The following CPVL variants were observed in gnomAD, a reference collection of about 807,000 sequenced individuals.
CPVL encodes carboxypeptidase vitellogenic like.
A neutral mutation model predicts 63.7 loss-of-function variants in CPVL; 51 were observed. That is an observed-to-expected ratio of 0.80 (90% CI 0.64 to 1.01). The LOEUF is 1.01. CPVL is among the 50% of genes least tolerant of loss of function. The pLI is 0.00. For synonymous variants in CPVL, 195 were observed against 206.0 expected, an observed-to-expected ratio of 0.95 and a Z score of 0.46; for missense variants, 530 against 573.1, an observed-to-expected ratio of 0.92 and a Z score of 0.77.
At chr7:29,112,604 G>T in intron 3 of CPVL, 100 bp downstream of exon 3, 2 of 727,778 alleles carry the variant, frequency 2.7e-6, no homozygotes, top group Non-Finnish European at 4.6e-6. Context: ...AAATCTATGA[G>T]ATTTTTTTTT....
At chr7:29,084,940 C>T (rs1334332275) in intron 7 of CPVL, among the ~76,000 whole-genome samples, 1 of 152,134 alleles carries the variant, frequency 6.6e-6, no homozygotes, top group African/African-American at 2.4e-5. Flanking sequence ...AGAGGAAACA[C>T]ACTGATGCCA....
At chr7:29,184,816 C>T (rs1798513288) in intron 3 of CPVL, among the ~76,000 whole-genome samples, 1 of 152,236 alleles carries the variant, frequency 6.6e-6, no homozygotes, top group Non-Finnish European at 1.5e-5. Context: ...TAAAATTAAG[C>T]ATCACACCTG....
In CPVL at chr7:29,095,068, G is replaced by C; in HGVS notation, c.462+16C>G. The C allele has an allele frequency of 6.2e-7, 1 of 1,607,790 alleles. No individual in the cohort carries two copies. Among genetic ancestry groups the C allele is most frequent in the Non-Finnish European group, 8.5e-7 (1 of 1,174,280 alleles). Reference sequence around the variant, plus strand: ...GACGCCAGCACTGACAGCTCACAGGGTCATCCCGGACTTACTGGATTGTCA... The same window carrying C: ...GACGCCAGCACTGACAGCTCACAGGCTCATCCCGGACTTACTGGATTGTCA... On this transcript the variant is annotated intron_variant, in intron 5 of 12. Coordinates refer to ENST00000265394, the MANE Select transcript of CPVL (RefSeq NM_031311.5).
intron 12 of CPVL, among the ~76,000 whole-genome samples, chr7:29,003,842 C>T (rs2128127887): frequency 6.6e-6 from 1 of 152,256 alleles, no homozygotes; most frequent in Non-Finnish European, 1.5e-5. Flanking sequence ...AGATCCCTCA[C>T]ATGCGCAGTT....
At chr7:29,176,061 C>T (rs1190327610) in intron 5 of CPVL, among the ~76,000 whole-genome samples, 1 of 152,052 alleles carries the variant, frequency 6.6e-6, no homozygotes, top group Non-Finnish European at 1.5e-5. Flanking sequence ...TGGTGGGCGC[C>T]TGTAGTCCCA....
At chr7:29,125,230 C>A (rs1296603258) in intron 1 of CPVL, 1 of 151,990 alleles carries the variant, frequency 6.6e-6, no homozygotes, top group Non-Finnish European at 1.5e-5. Context: ...ATATTTTAGA[C>A]CTACAAGATA....
upstream of CPVL, chr7:29,147,097 T>A (rs1792835507): frequency 9.0e-6 from 11 of 1,219,022 alleles, no homozygotes; most frequent in Non-Finnish European, 1.2e-5. Context: ...TGAGGTTAAG[T>A]AACCCATCCA....
At chr7:29,046,178 G>A (rs1011576087) in intron 11 of CPVL, among the ~76,000 whole-genome samples, 3 of 149,008 alleles carry the variant, frequency 2.0e-5, no homozygotes, top group Non-Finnish European at 3.0e-5. Flanking sequence ...TCCACCTCCC[G>A]GGTTCAAGCA....
At chr7:29,055,061 A>T (rs1790588828) in intron 11 of CPVL, among the ~76,000 whole-genome samples, 1 of 151,968 alleles carries the variant, frequency 6.6e-6, no homozygotes, top group South Asian at 2.1e-4. Context: ...TTTATCTCTC[A>T]TATGTCCTAT....
At chr7:29,143,283 T>C (rs1393550009) in intron 1 of CPVL, among the ~76,000 whole-genome samples, 1 of 152,264 alleles carries the variant, frequency 6.6e-6, no homozygotes, top group Non-Finnish European at 1.5e-5. Context: ...TTTATGTTTT[T>C]ACAGCTTTGC....
rs1787625979 is a variant in CPVL, at chr7:29,027,627, A to G, written c.1320+2950T>C. Among the ~76,000 whole-genome samples the G allele has an allele frequency of 2.0e-5, 3 of 152,244 alleles. No individual in the cohort carries two copies. The South Asian group carries it at 6.2e-4, about 32-fold the overall frequency. ...TTTAGAACTGATAAATGAATTCAGT[A>G]AAGTTGTAGGATACAAAATCAACAT... On this transcript the variant is annotated intron_variant, in intron 12 of 12. Transcript: ENST00000265394.
chr7:29,007,885 AT>A (rs1785362561), intron 12 of CPVL, among the ~76,000 whole-genome samples: 1 of 152,234 alleles, frequency 6.6e-6, no homozygotes, highest in Non-Finnish European at 1.5e-5. Flanking sequence ...TGCTACAAAA[AT>A]AAATGAATAT....
intron 12 of CPVL, among the ~76,000 whole-genome samples, chr7:29,025,658 T>C (rs1271648891): frequency 6.6e-6 from 1 of 152,164 alleles, no homozygotes; most frequent in Non-Finnish European, 1.5e-5. Context: ...AACAATTATA[T>C]TCCATGTAAA....
At chr7:29,047,383 TG>T (rs1287251974) in intron 11 of CPVL, among the ~76,000 whole-genome samples, 3 of 152,020 alleles carry the variant, frequency 2.0e-5, no homozygotes, top group Non-Finnish European at 4.4e-5. Flanking sequence ...CTTATAGAAA[TG>T]CAAAATACTC....
At chr7:29,189,362 A>G (rs1364690548) in intron 1 of CPVL, among the ~76,000 whole-genome samples, 1 of 152,192 alleles carries the variant, frequency 6.6e-6, no homozygotes, top group East Asian at 1.9e-4. Flanking sequence ...ATGAACAGGT[A>G]GTAGAGAATG....
intron 12 of CPVL, among the ~76,000 whole-genome samples, chr7:29,014,882 A>T (rs1786244573): frequency 6.6e-6 from 1 of 152,186 alleles, no homozygotes; most frequent in Admixed American, 6.5e-5. Flanking sequence ...AATGCTTCCT[A>T]AGCTGTTTAA....
At chr7:29,099,533 G>A (rs908588977) in intron 3 of CPVL, among the ~76,000 whole-genome samples, 2 of 152,138 alleles carry the variant, frequency 1.3e-5, no homozygotes, top group Admixed American at 6.5e-5. Flanking sequence ...CCAATATGGT[G>A]AAACCGCATC....
intron 11 of CPVL, among the ~76,000 whole-genome samples, chr7:29,046,154 G>A (rs1789589945): frequency 1.3e-5 from 2 of 149,610 alleles, no homozygotes; most frequent in African/African-American, 2.5e-5. Context: ...GCGTGATCGC[G>A]GCTCACTGCA....
intron 12 of CPVL, among the ~76,000 whole-genome samples, chr7:29,022,010 C>T (rs1321912083): frequency 6.6e-6 from 1 of 152,116 alleles, no homozygotes; most frequent in African/African-American, 2.4e-5. Context: ...GGGAGGCTGC[C>T]CTAGGGACAA....
Sources: gnomAD v4.1 joint callset for allele counts (sites outside exome capture counted in the v4.1 genomes callset) on GRCh38, gnomAD v4.1.1 for gene constraint, MANE v1.5 for transcripts, NCBI Gene and HGNC (gene_info 2026-07-23, HGNC 2026-07-21) for gene names.